The following DIPK1A variants were observed in gnomAD, a reference collection of about 807,000 sequenced individuals.
The protein encoded by DIPK1A is family with sequence similarity 69 member A.
In DIPK1A, 27 loss-of-function variants were observed where a neutral mutation model predicts 40.8. That is an observed-to-expected ratio of 0.66 (90% CI 0.49 to 0.91). The LOEUF (loss-of-function observed/expected upper bound fraction) is 0.91. DIPK1A is among the 40% of genes least tolerant of loss of function. The pLI is 0.00. For synonymous variants in DIPK1A, 166 were observed against 171.3 expected (o/e 0.97, Z 0.24); for missense variants, 412 against 505.7 (o/e 0.81, Z 1.78).
At chr1:92,837,740 C>A, downstream of DIPK1A, 1 of 869,240 alleles carries the variant, frequency 1.2e-6, no homozygotes, top group Non-Finnish European at 1.9e-6. Context: ...TTCTTGACAA[C>A]ATGAGCTAGA....
At chr1:92,894,902 G>A (rs369104570) in intron 1 of DIPK1A, among the ~76,000 whole-genome samples, 2 of 152,038 alleles carry the variant, frequency 1.3e-5, no homozygotes, top group East Asian at 3.9e-4. Context: ...TAGAAAATCT[G>A]GAAGAAATGG....
intron 1 of DIPK1A, among the ~76,000 whole-genome samples, chr1:92,914,203 A>G (rs1234558335): frequency 6.6e-6 from 1 of 151,488 alleles, no homozygotes; most frequent in African/African-American, 2.4e-5. Context: ...TTATCAGTAG[A>G]CATCTGTCAG....
intron 4 of DIPK1A, chr1:92,835,029 C>T: frequency 6.8e-7 from 1 of 1,461,690 alleles, no homozygotes; most frequent in Non-Finnish European, 9.5e-7. Context: ...AGAGTGCTTG[C>T]TTCCAGTTTT....
At chr1:92,865,888 T>C (rs1647511888) in intron 2 of DIPK1A, among the ~76,000 whole-genome samples, 1 of 152,248 alleles carries the variant, frequency 6.6e-6, no homozygotes, top group African/African-American at 2.4e-5. Flanking sequence ...GCACTGTACA[T>C]AATTTATACG....
intron 1 of DIPK1A, among the ~76,000 whole-genome samples, chr1:92,912,948 A>C (rs1649892438): frequency 6.6e-6 from 1 of 152,148 alleles, no homozygotes; most frequent in Non-Finnish European, 1.5e-5. Flanking sequence ...GAAATAAAAA[A>C]AAAAAATTAG....
chr1:92,860,646 A>AAAAAAAAAAAAGCCAGG (rs148916481), intron 2 of DIPK1A, among the ~76,000 whole-genome samples: 10 of 105,214 alleles, frequency 9.5e-5, no homozygotes, highest in East Asian at 8.7e-4. Flanking sequence ...AAAAAAAAAA[A>AAAAAAAAAAAAGCCAGG]TGGTGGTGTG....
At chr1:92,929,155 G>A (rs1293958527) in intron 1 of DIPK1A, among the ~76,000 whole-genome samples, 2 of 152,096 alleles carry the variant, frequency 1.3e-5, no homozygotes, top group African/African-American at 4.8e-5. Context: ...TCTCTTGAAC[G>A]TGGTAACATT....
At chr1:92,883,577 C>A (rs4442373) in intron 1 of DIPK1A, among the ~76,000 whole-genome samples, 3,695 of 152,244 alleles carry the variant, frequency 0.024, 115 homozygotes, top group African/African-American at 0.07. Flanking sequence ...AGACAGATGG[C>A]TTCTTCATTC....
chr1:92,894,467 T>C (rs1041143334), intron 1 of DIPK1A, among the ~76,000 whole-genome samples: 1 of 151,994 alleles, frequency 6.6e-6, no homozygotes, highest in Admixed American at 6.6e-5. Context: ...AGAACAAAGA[T>C]ACAACATACC....
chr1:92,894,572 C>T (rs1649071058), intron 1 of DIPK1A, among the ~76,000 whole-genome samples: 1 of 151,736 alleles, frequency 6.6e-6, no homozygotes, highest in Admixed American at 6.6e-5. Flanking sequence ...AAATTGACAC[C>T]CTAACATCAC....
chr1:92,843,985 C>G lies in DIPK1A; in HGVS notation c.685G>C (p.Glu229Gln), dbSNP rs1478641792. 6.4e-7 allele frequency: 1 copy of G among 1,552,062 alleles called. No individual in the cohort carries two copies. The highest frequency in any genetic ancestry group is 1.2e-5 in the South Asian group (1 of 84,052). The change falls in exon 5 of 5, where the codon GAA (glutamate) becomes CAA (glutamine). Residue 229 changes from glutamate (E) to glutamine (Q), a missense_variant. By Grantham distance (29) the Glu-to-Gln change is conservative (BLOSUM62 2). Coordinates refer to ENST00000370310, the MANE Select transcript of DIPK1A (RefSeq NM_001006605.5). ...TAAAGAGAGGTATATTCAACACTTT[C>G]CATCACATAGAGGTCACCACAGAAT... ...MGFCGDLYVM[E>Q]SVEYTSLYGI...
downstream of DIPK1A, chr1:92,840,477 A>G (rs1375667827): frequency 9.2e-6 from 10 of 1,084,670 alleles, no homozygotes; most frequent in East Asian, 2.4e-5. Context: ...GAAGGACAAG[A>G]TAAGTTATGG....
rs1226154304 is a variant in DIPK1A, at chr1:92,843,475, T to G, written c.1195A>C (p.Thr399Pro). ...QLYSCIALKV[T>P]ANQMEMEHSL... is the part of the protein sequence containing the mutation. ...TGTTCCATTTCCATTTGATTTGCTG[T>G]GACTTTGAGAGCAATACAAGAATAA... Residue 399 changes from threonine to proline, a missense_variant, in exon 5 of 5, where the codon ACA becomes CCA. Coordinates refer to ENST00000370310, the MANE Select transcript of DIPK1A (RefSeq NM_001006605.5). 3 of 1,551,654 alleles carry G rather than the reference T, an allele frequency of 1.9e-6. No homozygotes were observed. In the South Asian group the frequency reaches 3.6e-5, roughly 18 times the overall value.
chr1:92,927,749 C>T (rs1650579163), intron 1 of DIPK1A, among the ~76,000 whole-genome samples: 1 of 152,142 alleles, frequency 6.6e-6, no homozygotes, highest in Admixed American at 6.5e-5. Flanking sequence ...TTTCACTTAA[C>T]TTTTCAAGAT....
At chr1:92,846,811 A>ACACACACG (rs1687621417) in intron 4 of DIPK1A, among the ~76,000 whole-genome samples, 1 of 3,200 alleles carries the variant, frequency 3.1e-4, no homozygotes, top group African/African-American at 2.3e-3. Flanking sequence ...ATATATATAT[A>ACACACACG]TATATATATA....
At chr1:92,927,362 T>G (rs1200912534) in intron 1 of DIPK1A, among the ~76,000 whole-genome samples, 17 of 75,916 alleles carry the variant, frequency 2.2e-4, no homozygotes, top group African/African-American at 7.5e-4. Flanking sequence ...GCCAATTTTG[T>G]TGTTTTTTTT....
At chr1:92,867,290 G>A (rs1484687757) in intron 2 of DIPK1A, among the ~76,000 whole-genome samples, 6 of 145,164 alleles carry the variant, frequency 4.1e-5, no homozygotes, top group Admixed American at 1.4e-4. Flanking sequence ...TCTTGACCTC[G>A]TGATCCGCCC....
At chr1:92,949,510 C>T (rs946334533) in intron 1 of DIPK1A, among the ~76,000 whole-genome samples, 11 of 152,142 alleles carry the variant, frequency 7.2e-5, no homozygotes, top group African/African-American at 2.4e-4. Context: ...CTTCTGACCT[C>T]AGGTGATCTA....
At chr1:92,851,793 C>T (rs373026106) in intron 2 of DIPK1A, among the ~76,000 whole-genome samples, 8 of 152,128 alleles carry the variant, frequency 5.3e-5, no homozygotes, top group African/African-American at 1.7e-4. Flanking sequence ...CTGCTGTGGT[C>T]CCCACTCTCA....
Sources: gnomAD v4.1 joint callset for allele counts (sites outside exome capture counted in the v4.1 genomes callset) on GRCh38, gnomAD v4.1.1 for gene constraint, MANE v1.5 for transcripts, NCBI Gene and HGNC (gene_info 2026-07-23, HGNC 2026-07-21) for gene names.